CYB5R4: variants seen among roughly 807,000 people sequenced by gnomAD.
CYB5R4 encodes cytochrome b5 reductase 4.
Under a neutral mutation model 70.2 loss-of-function variants are expected in CYB5R4, and 55 were observed. The observed-to-expected ratio is 0.78, with a 90% CI of 0.63 to 0.98. The LOEUF (loss-of-function observed/expected upper bound fraction) is 0.98, where lower values mean the gene tolerates loss of function less well. Among genes scored for constraint, CYB5R4 ranks in the 50% least tolerant of loss-of-function variants. The pLI is 0.00. For synonymous variants in CYB5R4, 197 were observed against 199.5 expected, an observed-to-expected ratio of 0.99 and a Z score of 0.11; for missense variants, 562 against 612.6, an observed-to-expected ratio of 0.92 and a Z score of 0.87.
intron 3 of CYB5R4, among the ~76,000 whole-genome samples, chr6:83,906,831 T>C (rs1010681307): frequency 1.3e-5 from 2 of 152,222 alleles, no homozygotes; most frequent in Non-Finnish European, 2.9e-5. Flanking sequence ...CTCTGGAATA[T>C]ACCATAAAGA....
At chr6:83,934,047 T>C (rs2099468544) in intron 10 of CYB5R4, among the ~76,000 whole-genome samples, 1 of 152,186 alleles carries the variant, frequency 6.6e-6, no homozygotes, top group Non-Finnish European at 1.5e-5. Context: ...TGCTTACTAG[T>C]GCTACTGTTG....
Position 83,909,008 on chromosome 6 carries a change from G to T in CYB5R4, c.331-1G>T. ...TTTCCATCATTTGTTTTACATACCA[G>T]GTTCATCGTTGGGTCAATTATGAAT... On this transcript the variant is annotated splice_acceptor_variant, in intron 3 of 15. Coordinates refer to ENST00000369681, the MANE Select transcript of CYB5R4 (RefSeq NM_016230.4). LOFTEE classifies it high-confidence loss of function. The T allele has an allele frequency of 6.2e-7, 1 of 1,613,082 alleles. No individual in the cohort carries two copies.
At chr6:83,910,466 T>G (rs1293048520) in intron 4 of CYB5R4, among the ~76,000 whole-genome samples, 2 of 152,152 alleles carry the variant, frequency 1.3e-5, no homozygotes, top group Non-Finnish European at 2.9e-5. Flanking sequence ...GCCCGTTGTC[T>G]GGGTAATTCT....
intron 1 of CYB5R4, among the ~76,000 whole-genome samples, chr6:83,862,674 C>T (rs903343381): frequency 6.6e-6 from 1 of 152,112 alleles, no homozygotes; most frequent in Non-Finnish European, 1.5e-5. Context: ...AATTTAGAGA[C>T]GTTGTTGTAA....
intron 14 of CYB5R4, among the ~76,000 whole-genome samples, chr6:83,947,123 A>G (rs1334143079): frequency 6.6e-6 from 1 of 152,196 alleles, no homozygotes; most frequent in Non-Finnish European, 1.5e-5. Flanking sequence ...AAAAGAACAA[A>G]GCTGGAGGCA....
chr6:83,882,181 T>G (rs2099459556), intron 2 of CYB5R4, among the ~76,000 whole-genome samples: 1 of 152,172 alleles, frequency 6.6e-6, no homozygotes, highest in South Asian at 2.1e-4. Flanking sequence ...GTTTCCCATT[T>G]CTTATGGCAT....
intron 10 of CYB5R4, among the ~76,000 whole-genome samples, chr6:83,931,245 G>A (rs896919882): frequency 4.6e-5 from 7 of 152,202 alleles, no homozygotes; most frequent in African/African-American, 1.7e-4. Context: ...CGCTAATAGC[G>A]TCTTACTCCA....
rs1430684874 is a variant in CYB5R4 at position 83,960,741 on chromosome 6, C to T, written c.*863C>T. The T allele has an allele frequency of 6.6e-6, 1 of 152,198 alleles. No homozygotes were observed. Among genetic ancestry groups the T allele is most frequent in the African/African-American group, 2.4e-5 (1 of 41,446 alleles). 9.4% of individuals were successfully genotyped at this position (152,198 alleles called of 1,614,324 possible). On this transcript the variant is annotated 3_prime_UTR_variant, in exon 16 of 16. Transcript: ENST00000369681. ...GCTGGAAAAATGAGGAACATTCTGC[C>T]TTGAATGGTTCTTCCCCTGGTTGGC...
chr6:83,907,104 G>A (rs2099463899), intron 3 of CYB5R4, among the ~76,000 whole-genome samples: 1 of 151,866 alleles, frequency 6.6e-6, no homozygotes, highest in Non-Finnish European at 1.5e-5. Context: ...TTCAAACAGG[G>A]TCTTGCTCTT....
At chr6:83,872,103 A>C (rs1405923960) in intron 2 of CYB5R4, among the ~76,000 whole-genome samples, 2 of 152,142 alleles carry the variant, frequency 1.3e-5, no homozygotes. Context: ...AGTAACTCTC[A>C]TTATATTCCT....
chr6:83,933,528 AAG>A (rs1186190511), intron 10 of CYB5R4, among the ~76,000 whole-genome samples: 21 of 152,208 alleles, frequency 1.4e-4, no homozygotes, highest in African/African-American at 2.7e-4. Context: ...GCTTAAAAAA[AAG>A]AGAATAGAGT....
chr6:83,932,163 A>G (rs868405721), intron 10 of CYB5R4, among the ~76,000 whole-genome samples: 24 of 152,290 alleles, frequency 1.6e-4, no homozygotes, highest in Admixed American at 2.6e-4. Context: ...TGCAATTGAA[A>G]GATGAAAACT....
chr6:83,924,597 G>A lies in CYB5R4; in HGVS notation c.814+5G>A, dbSNP rs1430117966. 14 of 1,610,800 alleles carry A rather than the reference G, an allele frequency of 8.7e-6. No homozygotes were observed. The highest frequency in any genetic ancestry group is 5.4e-5 in the African/African-American group (4 of 74,672). On this transcript the variant is annotated splice_donor_5th_base_variant and intron_variant, in intron 10 of 15. Coordinates refer to ENST00000369681, the MANE Select transcript of CYB5R4 (RefSeq NM_016230.4). ...TTATTCCAAGGAAAGATACAGGTAT[G>A]CTGTGTTCTTTTGTTACGTTAATTT...
chr6:83,914,838 A>AT (rs148327073), intron 5 of CYB5R4, among the ~76,000 whole-genome samples: 5 of 145,196 alleles, frequency 3.4e-5, no homozygotes, highest in Admixed American at 6.8e-5. Flanking sequence ...CCCGGCCTAG[A>AT]TTTTTTTTTT....
At chr6:83,925,464 T>C (rs1156898899) in intron 10 of CYB5R4, among the ~76,000 whole-genome samples, 1 of 152,214 alleles carries the variant, frequency 6.6e-6, no homozygotes, top group African/African-American at 2.4e-5. Context: ...TTCATTTCTT[T>C]TCATTTTTAA....
chr6:83,911,420 A>C (rs1167278323), intron 4 of CYB5R4, among the ~76,000 whole-genome samples: 3 of 152,166 alleles, frequency 2.0e-5, no homozygotes, highest in African/African-American at 7.2e-5. Flanking sequence ...ACAGAATGGT[A>C]AATTTAGGAC....
intron 11 of CYB5R4, among the ~76,000 whole-genome samples, chr6:83,935,850 T>C (rs1008523219): frequency 6.6e-6 from 1 of 152,066 alleles, no homozygotes; most frequent in African/African-American, 2.4e-5. Flanking sequence ...AATTATTAGG[T>C]AAATAGTTTT....
intron 1 of CYB5R4, among the ~76,000 whole-genome samples, chr6:83,863,459 T>C (rs527425271): frequency 3.3e-5 from 5 of 152,368 alleles, no homozygotes; most frequent in African/African-American, 1.2e-4. Context: ...AGTCTGTTTA[T>C]CTTGACAGTC....
chr6:83,862,812 G>T (rs1187393523), intron 1 of CYB5R4, among the ~76,000 whole-genome samples: 1 of 152,132 alleles, frequency 6.6e-6, no homozygotes, highest in Non-Finnish European at 1.5e-5. Context: ...GGATGGGAAA[G>T]GTCATTTTCT....
Sources: gnomAD v4.1 joint callset for allele counts (sites outside exome capture counted in the v4.1 genomes callset) on GRCh38, gnomAD v4.1.1 for gene constraint, MANE v1.5 for transcripts, NCBI Gene and HGNC (gene_info 2026-07-23, HGNC 2026-07-21) for gene names.